The following SH3RF2 variants were observed in gnomAD, a reference collection of about 807,000 sequenced individuals.
The protein encoded by SH3RF2 is E3 ubiquitin-protein ligase SH3RF2.
In SH3RF2, 43 loss-of-function variants were observed where a neutral mutation model predicts 59.0. The observed-to-expected ratio is 0.73, with a 90% CI of 0.57 to 0.94. SH3RF2 has a LOEUF of 0.94. SH3RF2 is among the 40% of genes least tolerant of loss of function. SH3RF2 has a pLI of 0.00. For missense variants in SH3RF2, 930 were observed against 940.1 expected, an observed-to-expected ratio of 0.99 and a Z score of 0.14; for synonymous variants, 391 against 391.5, an observed-to-expected ratio of 1.00 and a Z score of 0.01.
At chr5:146,019,227 T>A (rs949151078) in intron 5 of SH3RF2, among the ~76,000 whole-genome samples, 24 of 152,170 alleles carry the variant, frequency 1.6e-4, no homozygotes, top group African/African-American at 5.1e-4. Flanking sequence ...TTCTTCTAGA[T>A]TTTTTATGGT....
At chr5:145,992,362 G>A (rs1323860652) in intron 2 of SH3RF2, among the ~76,000 whole-genome samples, 1 of 152,140 alleles carries the variant, frequency 6.6e-6, no homozygotes, top group Admixed American at 6.5e-5. Flanking sequence ...GACAAAGTGA[G>A]ACCCTGTCTC....
intron 2 of SH3RF2, among the ~76,000 whole-genome samples, chr5:145,998,833 C>T (rs758030705): frequency 9.2e-5 from 14 of 152,236 alleles, no homozygotes; most frequent in Admixed American, 2.6e-4. Flanking sequence ...ATCACTTGAA[C>T]CCGGGAGGTG....
intron 2 of SH3RF2, among the ~76,000 whole-genome samples, chr5:145,990,161 C>T (rs1759879105): frequency 6.6e-6 from 1 of 152,076 alleles, no homozygotes; most frequent in Non-Finnish European, 1.5e-5. Context: ...ATTTTATTGT[C>T]AGGGCTCTAG....
intron 4 of SH3RF2, among the ~76,000 whole-genome samples, chr5:146,009,491 C>T (rs1760786707): frequency 6.6e-6 from 1 of 152,112 alleles, no homozygotes; most frequent in African/African-American, 2.4e-5. Context: ...ATATTCTTAC[C>T]TCCATTTTCA....
downstream of SH3RF2, among the ~76,000 whole-genome samples, chr5:146,065,810 A>G (rs1157135708): frequency 3.3e-5 from 5 of 152,144 alleles, no homozygotes; most frequent in Non-Finnish European, 7.4e-5. Flanking sequence ...TTCCACCAAC[A>G]TGCTTTGTAA....
chr5:145,965,714 G>A (rs569885270), intron 2 of SH3RF2, among the ~76,000 whole-genome samples: 4 of 152,250 alleles, frequency 2.6e-5, no homozygotes, highest in Admixed American at 6.5e-5. Context: ...ATGCCAGCCA[G>A]CCAGACGACT....
chr5:146,040,187 T>A (rs959083184), intron 5 of SH3RF2, among the ~76,000 whole-genome samples: 3 of 152,206 alleles, frequency 2.0e-5, no homozygotes, highest in Non-Finnish European at 2.9e-5. Flanking sequence ...AAGCACAATA[T>A]TCAACTTCTA....
At chr5:145,954,684 G>A (rs1463419333) in intron 2 of SH3RF2, among the ~76,000 whole-genome samples, 2 of 152,162 alleles carry the variant, frequency 1.3e-5, no homozygotes, top group Non-Finnish European at 2.9e-5. Context: ...TTTATAGTTT[G>A]GGATTTTACA....
chr5:146,065,596 T>C (rs1016904939), downstream of SH3RF2, among the ~76,000 whole-genome samples: 41 of 152,212 alleles, frequency 2.7e-4, no homozygotes, highest in African/African-American at 8.0e-4. Flanking sequence ...TTATTATCTC[T>C]TTGGGATAAC....
At chr5:146,076,235 G>A (rs1245509912) in intron 9 of SH3RF2, among the ~76,000 whole-genome samples, 2 of 152,232 alleles carry the variant, frequency 1.3e-5, no homozygotes, top group African/African-American at 4.8e-5. Context: ...ACTGCTACTC[G>A]CTTGGGATGC....
intron 2 of SH3RF2, among the ~76,000 whole-genome samples, chr5:145,993,618 G>T (rs969363599): frequency 4.6e-5 from 7 of 152,218 alleles, no homozygotes; most frequent in African/African-American, 1.4e-4. Flanking sequence ...ACCCTTTGAA[G>T]TCATGGCCCA....
intron 2 of SH3RF2, among the ~76,000 whole-genome samples, chr5:145,962,768 A>C (rs4912701): frequency 0.22 from 32,561 of 151,272 alleles, 5,051 homozygotes; most frequent in African/African-American, 0.43. Flanking sequence ...GAGTCAAGAC[A>C]CCCTTAGGAC....
intron 5 of SH3RF2, among the ~76,000 whole-genome samples, chr5:146,016,494 C>T (rs1021678623): frequency 6.6e-6 from 1 of 152,134 alleles, no homozygotes; most frequent in Non-Finnish European, 1.5e-5. Flanking sequence ...CTCTCAGTCT[C>T]CTAAGCCTCC....
intron 2 of SH3RF2, among the ~76,000 whole-genome samples, chr5:145,960,585 C>G (rs1428666735): frequency 2.0e-5 from 3 of 152,150 alleles, no homozygotes; most frequent in African/African-American, 7.2e-5. Flanking sequence ...TGCTGTGCCC[C>G]CTGGTTTCCT....
downstream of SH3RF2, among the ~76,000 whole-genome samples, chr5:146,066,836 G>A (rs1049817785): frequency 3.9e-5 from 6 of 152,174 alleles, no homozygotes; most frequent in Non-Finnish European, 8.8e-5. Context: ...TCCTGTGAGA[G>A]CATCACCCCT....
intron 2 of SH3RF2, among the ~76,000 whole-genome samples, chr5:145,940,019 T>C (rs1432765): frequency 7.2e-5 from 11 of 152,220 alleles, no homozygotes; most frequent in Non-Finnish European, 2.9e-5. Flanking sequence ...TTTTGAACTA[T>C]AGAGGATTCT....
At chr5:146,058,131 G>A (rs961504035) in intron 8 of SH3RF2, among the ~76,000 whole-genome samples, 1 of 152,082 alleles carries the variant, frequency 6.6e-6, no homozygotes, top group Non-Finnish European at 1.5e-5. Flanking sequence ...GATTGGCATG[G>A]AGCCTCGACT....
intron 2 of SH3RF2, among the ~76,000 whole-genome samples, chr5:145,954,703 A>C (rs1430320453): frequency 6.6e-6 from 1 of 152,134 alleles, no homozygotes; most frequent in Non-Finnish European, 1.5e-5. Flanking sequence ...CATTTAGAGA[A>C]TGGATAATTT....
chr5:146,075,778 TAAAAAAAA>T (rs56300547), intron 9 of SH3RF2, among the ~76,000 whole-genome samples: 9 of 76,964 alleles, frequency 1.2e-4, no homozygotes, highest in East Asian at 4.3e-4. Context: ...AAATTCCATG[TAAAAAAAA>T]AAAAAAAAAA....
Sources: allele counts gnomAD v4.1 joint callset (sites outside exome capture counted in the v4.1 genomes callset), GRCh38; gene constraint gnomAD v4.1.1; transcripts MANE v1.5; gene names NCBI Gene and HGNC (gene_info 2026-07-23, HGNC 2026-07-21).